Variants in CELA3B observed in about 807,000 individuals in gnomAD.
CELA3B encodes chymotrypsin-like elastase family member 3B.
A neutral mutation model predicts 37.2 loss-of-function variants in CELA3B; 34 were observed. The observed-to-expected ratio is 0.91, with a 90% CI of 0.70 to 1.22. CELA3B has a LOEUF of 1.22. Ranked by LOEUF, CELA3B falls within the 50% of genes most tolerant of loss-of-function variation. The pLI is 0.00. For synonymous variants in CELA3B, 127 were observed against 143.5 expected (o/e 0.89, Z 0.82); for missense variants, 340 against 363.1 (o/e 0.94, Z 0.52).
At chr1:21,992,011 T>C (rs1385289289), downstream of CELA3B, among the ~76,000 whole-genome samples, 4 of 150,716 alleles carry the variant, frequency 2.7e-5, no homozygotes, top group Non-Finnish European at 5.9e-5. Flanking sequence ...TCCCAGCTAC[T>C]CAGGAGGCTG....
rs530259782 is a variant in CELA3B at position 21,982,738 on chromosome 1, C to T, written c.363-956C>T. Among the ~76,000 whole-genome samples, 11 of 152,100 alleles carry T rather than the reference C, an allele frequency of 7.2e-5. No homozygotes were observed. In the South Asian group the frequency reaches 1.9e-3, roughly 26 times the overall value. Reference sequence around the variant, plus strand: ...TGTCACCCAGGCTGGAGTGCAGTGGCGCAATCTTGGCTCACTACAAGCTCT... The same window carrying T: ...TGTCACCCAGGCTGGAGTGCAGTGGTGCAATCTTGGCTCACTACAAGCTCT... On this transcript the variant is annotated intron_variant, in intron 4 of 7. Transcript: ENST00000337107.
chr1:21,988,064 T>G (rs1319636840), intron 7 of CELA3B: 3 of 147,890 alleles, frequency 2.0e-5, no homozygotes, highest in African/African-American at 7.5e-5. Flanking sequence ...TACAAAAAAT[T>G]AGCCGGGCGT....
chr1:21,997,522 T>G (rs186458719), intron 4 of CELA3B, among the ~76,000 whole-genome samples: 1 of 150,508 alleles, frequency 6.6e-6, no homozygotes, highest in Non-Finnish European at 1.5e-5. Context: ...ACCCTGCCTC[T>G]ACTAAAAATC....
At chr1:21,984,379 T>C (rs1456806481) in intron 6 of CELA3B, 48 bp downstream of exon 6, 1 of 1,587,516 alleles carries the variant, frequency 6.3e-7, no homozygotes, top group Non-Finnish European at 8.6e-7. Context: ...GTGCAGGACC[T>C]TGGAATGGGG....
chr1:21,998,267 C>T (rs545263289), exon 5 of CELA3B: 3 of 460,574 alleles, frequency 6.5e-6, no homozygotes, highest in East Asian at 7.1e-5. Flanking sequence ...ACAATTTGAA[C>T]TTTGTTTGAG....
chr1:21,994,872 C>T (rs921322387), intron 4 of CELA3B, among the ~76,000 whole-genome samples: 10 of 149,860 alleles, frequency 6.7e-5, no homozygotes, highest in South Asian at 2.1e-4. Flanking sequence ...CGTGGTGGTG[C>T]GTGCCTGCAG....
rs563434675 is a variant in CELA3B, at chr1:21,994,658, C to T, written c.505-3493C>T. The stretch of plus-strand genomic sequence containing the variant: ...GCCTGAGCTCGGGTGCATCTCTCTT[C>T]AGCTCCCCTGCCTCTCCACTTAAAG... On this transcript the variant is annotated intron_variant, in intron 4 of 4. Coordinates refer to the CELA3B transcript ENST00000400277. Among the ~76,000 whole-genome samples the T allele has an allele frequency of 3.4e-4, 51 of 151,140 alleles. 2 individuals carry two copies. In the East Asian group the frequency reaches 7.7e-3, roughly 23 times the overall value.
intron 6 of CELA3B, among the ~76,000 whole-genome samples, chr1:21,985,374 C>A (rs1025671025): frequency 6.6e-6 from 1 of 150,990 alleles, no homozygotes; most frequent in Non-Finnish European, 1.5e-5. Context: ...CCCTCCTGGG[C>A]TCAAGCAATC....
At chr1:21,985,619 T>C (rs191847293) in intron 6 of CELA3B, among the ~76,000 whole-genome samples, 2,342 of 147,740 alleles carry the variant, frequency 0.016, 19 homozygotes, top group African/African-American at 0.021. Context: ...TGGCCGGGCT[T>C]GGTGGCTCAT....
At chr1:21,979,496 A>G (rs1338425731) in intron 2 of CELA3B, among the ~76,000 whole-genome samples, 1 of 123,946 alleles carries the variant, frequency 8.1e-6, no homozygotes, top group African/African-American at 3.2e-5. Flanking sequence ...TGTGTTGCCC[A>G]GGCTGGAGTG....
chr1:21,994,113 C>T (rs1276335368), downstream of CELA3B, among the ~76,000 whole-genome samples: 1 of 151,766 alleles, frequency 6.6e-6, no homozygotes, highest in African/African-American at 2.4e-5. Flanking sequence ...CACTTCTCTG[C>T]TCCCATCCCA....
rs574440736 is a variant in CELA3B at position 21,979,478 on chromosome 1, G to A, written c.129+1024G>A. Among the ~76,000 whole-genome samples, 9 of 134,332 alleles carry A rather than the reference G, an allele frequency of 6.7e-5. No homozygotes were observed. The South Asian group carries it at 1.9e-3, about 28-fold the overall frequency. 88.1% of individuals were successfully genotyped at this position (134,332 alleles called of 152,430 possible). A position where few individuals can be genotyped will look rare whatever the true frequency, so the allele number is the denominator to read the frequency against. On this transcript the variant is annotated intron_variant, in intron 2 of 7. Coordinates refer to ENST00000337107, the MANE Select transcript of CELA3B (RefSeq NM_007352.4). Reference sequence around the variant, plus strand: ...CTTTTTTTTTTTTTTTTTGAGACAGGGTCTTGCTGTGTTGCCCAGGCTGGA... The same window carrying A: ...CTTTTTTTTTTTTTTTTTGAGACAGAGTCTTGCTGTGTTGCCCAGGCTGGA...
At chr1:21,980,295 C>T (rs1336539195) in intron 2 of CELA3B, among the ~76,000 whole-genome samples, 1 of 149,738 alleles carries the variant, frequency 6.7e-6, no homozygotes, top group African/African-American at 2.5e-5. Flanking sequence ...GCCTGGCCAA[C>T]ATGGTGAAAC....
chr1:21,988,168 C>T (rs542681066), intron 7 of CELA3B, among the ~76,000 whole-genome samples: 42 of 151,382 alleles, frequency 2.8e-4, no homozygotes, highest in South Asian at 6.3e-4. Context: ...GCCGAGATTA[C>T]GCCACTGCAC....
In CELA3B at chr1:21,994,959, G is replaced by A. The variant is rs1211895834; in HGVS notation, c.505-3192G>A. On this transcript the variant is annotated intron_variant, in intron 4 of 4. Transcript: ENST00000400277. ...TGAGGCTGCACTGAGCTCCTATCATGCCACTGCACCCCAGCCTGGGCGACA... is the reference window on the plus strand; with the variant it reads ...TGAGGCTGCACTGAGCTCCTATCATACCACTGCACCCCAGCCTGGGCGACA... 1.5e-5 allele frequency among the ~76,000 whole-genome samples: 2 copies of A among 129,360 alleles called. 1 individual carries two copies. The highest frequency in any genetic ancestry group is 3.1e-5 in the Non-Finnish European group (2 of 64,048). 84.9% of individuals were successfully genotyped at this position (129,360 alleles called of 152,430 possible).
At chr1:21,981,686 G>A (rs545215907) in intron 4 of CELA3B, among the ~76,000 whole-genome samples, 2 of 151,860 alleles carry the variant, frequency 1.3e-5, no homozygotes, top group South Asian at 4.2e-4. Context: ...GGTTGTGAAG[G>A]CCAAGGAGAC....
intron 5 of CELA3B, 107 bp from the exon 6 acceptor site, chr1:21,984,082 G>A: frequency 7.2e-7 from 1 of 1,393,004 alleles, no homozygotes. Flanking sequence ...GGTGGGAGGA[G>A]AGTCCTCATC....
chr1:21,991,452 C>T (rs924679773), downstream of CELA3B, among the ~76,000 whole-genome samples: 3 of 150,476 alleles, frequency 2.0e-5, no homozygotes, highest in Non-Finnish European at 4.4e-5. Context: ...TCTCCTGCCT[C>T]AGCCTCCCAA....
chr1:21,979,215 G>A (rs61776318), intron 2 of CELA3B, among the ~76,000 whole-genome samples: 135,956 of 150,206 alleles, frequency 0.91, 62,306 homozygotes, highest in Non-Finnish European at 0.98. Flanking sequence ...TGGGATTACA[G>A]GCATGCGCCA....
Sources: gnomAD v4.1 joint callset for allele counts (sites outside exome capture counted in the v4.1 genomes callset) on GRCh38, gnomAD v4.1.1 for gene constraint, MANE v1.5 for transcripts, NCBI Gene and HGNC (gene_info 2026-07-23, HGNC 2026-07-21) for gene names.